The following OR2M2 variants were observed in gnomAD, a reference collection of about 807,000 sequenced individuals.
OR2M2 encodes olfactory receptor 2M2.
For missense variants in OR2M2, 467 were observed against 429.9 expected (o/e 1.09, Z -0.76); for synonymous variants, 168 against 151.7 (o/e 1.11, Z -0.79).
chr1:248,175,924 T>C lies in OR2M2; in HGVS notation c.-19+1053T>C, dbSNP rs558698012. On this transcript the variant is annotated intron_variant, in intron 1 of 1. Transcript: ENST00000641836. ...CTACTTTGTTCATTCAGCATTCTAT[T>C]GGTGAGACTCACCAATGCTACTTCT... Among the ~76,000 whole-genome samples the C allele has an allele frequency of 4.5e-4, 69 of 152,248 alleles. No individual in the cohort carries two copies. The Middle Eastern group carries it at 0.014, about 30-fold the overall frequency.
At chr1:248,177,669 T>A (rs1346882302) in intron 1 of OR2M2, among the ~76,000 whole-genome samples, 2 of 152,080 alleles carry the variant, frequency 1.3e-5, no homozygotes, top group Non-Finnish European at 2.9e-5. Context: ...TTTTTTCCCC[T>A]GATTGACCTT....
rs143926960 is a variant in OR2M2, at chr1:248,180,217, G to A, written c.232G>A (p.Val78Ile). Reference protein sequence around the residue: ...LMDLMLICTTVPKMAFNYLSG... With the variant: ...LMDLMLICTTIPKMAFNYLSG... ...GGACCTCATGCTCATCTGCACCACC[G>A]TACCCAAGATGGCCTTCAACTACCT... Residue 78 changes from valine (V) to isoleucine (I), a missense_variant, in exon 2 of 2, where the codon GTA (valine) becomes ATA (isoleucine). Coordinates refer to ENST00000641836, the MANE Select transcript of OR2M2 (RefSeq NM_001004688.2). The A allele has an allele frequency of 3.2e-5, 51 of 1,613,890 alleles. No homozygotes were observed. Among genetic ancestry groups the A allele is most frequent in the Admixed American group, 6.7e-5 (4 of 59,982 alleles).
At chr1:248,178,371 A>G (rs1406423392) in intron 1 of OR2M2, among the ~76,000 whole-genome samples, 1 of 152,168 alleles carries the variant, frequency 6.6e-6, no homozygotes, top group Admixed American at 6.6e-5. Context: ...TGCCCATAAT[A>G]ATCTCCCTTC....
chr1:248,180,615 T>C lies in OR2M2; in HGVS notation c.630T>C (p.Pro210=), dbSNP rs1453640415. 5 of 1,612,850 alleles carry C rather than the reference T, an allele frequency of 3.1e-6. No homozygotes were observed. The highest frequency in any genetic ancestry group is 1.1e-5 in the South Asian group (1 of 91,024). ...FICCIVMLVF[P]VAIIIASYAR... is the part of the protein sequence containing the mutation. ...GCTGTATAGTAATGCTTGTTTTCCC[T>C]GTTGCAATCATCATTGCTTCCTATG... Residue 210 remains proline, a synonymous_variant, in exon 2 of 2, where the codon CCT becomes CCC. Coordinates refer to ENST00000641836, the MANE Select transcript of OR2M2 (RefSeq NM_001004688.2).
Position 248,179,305 on chromosome 1 carries a change from G to A in OR2M2, c.-18-663G>A, listed in dbSNP as rs141247506. Among the ~76,000 whole-genome samples, 907 of 152,200 alleles carry A rather than the reference G, an allele frequency of 6.0e-3. 3 individuals carry two copies. The highest frequency in any genetic ancestry group is 8.8e-3 in the Non-Finnish European group (596 of 68,002). ...CACATTAACTAATTACCGTCTTTACGTATTTCCAAACAAGCTCACACGCTG... is the reference window on the plus strand; with the variant it reads ...CACATTAACTAATTACCGTCTTTACATATTTCCAAACAAGCTCACACGCTG... On this transcript the variant is annotated intron_variant, in intron 1 of 1. Transcript: ENST00000641836.
chr1:248,176,192 C>T (rs573730117), intron 1 of OR2M2, among the ~76,000 whole-genome samples: 43 of 152,114 alleles, frequency 2.8e-4, no homozygotes, highest in Non-Finnish European at 5.2e-4. Flanking sequence ...TTTGTTCACT[C>T]GATGTCTCTT....
At chr1:248,175,740 C>T (rs1665850673) in intron 1 of OR2M2, among the ~76,000 whole-genome samples, 1 of 152,042 alleles carries the variant, frequency 6.6e-6, no homozygotes, top group Non-Finnish European at 1.5e-5. Flanking sequence ...AAAATATTTA[C>T]CAGTGCTTTT....
Position 248,180,975 on chromosome 1 carries a change from A to T in OR2M2, c.990A>T (p.Ile330=), listed in dbSNP as rs752107335. 1.2e-6 allele frequency: 2 copies of T among 1,613,356 alleles called. No individual in the cohort carries two copies. Among genetic ancestry groups the T allele is most frequent in the Admixed American group, 3.3e-5 (2 of 59,964 alleles). The change falls in exon 2 of 2, where the codon ATA becomes ATT. Residue 330 remains isoleucine, a synonymous_variant. Transcript: ENST00000641836. The stretch of plus-strand genomic sequence containing the variant: ...TGTTTGCTAAATTCTTCTTTCTAAT[A>T]TCCATCTTTTTCTATGATGTCAAAA... The part of the protein sequence containing the change: ...VLLFAKFFFL[I]SIFFYDVKIL...
In OR2M2 at chr1:248,181,056, A is replaced by T. The variant is rs1665929078; in HGVS notation, c.*27A>T. On this transcript the variant is annotated 3_prime_UTR_variant, in exon 2 of 2. Transcript: ENST00000641836. Reference sequence around the variant, plus strand: ...ATATTTATGGGCACCTATACAATTTATTTCAGGTAAACCATTTTATATATT... The same window carrying T: ...ATATTTATGGGCACCTATACAATTTTTTTCAGGTAAACCATTTTATATATT... 4.2e-6 allele frequency: 6 copies of T among 1,426,454 alleles called. No homozygotes were observed. The highest frequency in any genetic ancestry group is 5.8e-6 in the Non-Finnish European group (6 of 1,041,244). The allele number at this position is 1,426,454 out of a possible 1,614,324, so 88.4% of individuals were successfully genotyped here. A position where few individuals can be genotyped will look rare whatever the true frequency, so the allele number is the denominator to read the frequency against.
In OR2M2 at chr1:248,179,496, A is replaced by G. The variant is rs1665899136; in HGVS notation, c.-18-472A>G. ...ATCAAATATTCTAAACTGTAAAGTA[A>G]TAAGCAAACATACAGATTTTGTTAA... is the stretch of plus-strand genomic sequence containing the variant. On this transcript the variant is annotated intron_variant, in intron 1 of 1. Coordinates refer to ENST00000641836, the MANE Select transcript of OR2M2 (RefSeq NM_001004688.2). Among the ~76,000 whole-genome samples the G allele has an allele frequency of 2.6e-5, 4 of 151,506 alleles. No homozygotes were observed. The South Asian group carries it at 8.3e-4, about 31-fold the overall frequency.
At chr1:248,178,115 A>T (rs866226208) in intron 1 of OR2M2, 1 of 152,258 alleles carries the variant, frequency 6.6e-6, no homozygotes, top group African/African-American at 2.4e-5. Flanking sequence ...ATAAAACTCA[A>T]AGAGGTATAC....
chr1:248,180,426 C>G lies in OR2M2; in HGVS notation c.441C>G (p.Phe147Leu). The change falls in exon 2 of 2, where the codon TTC (phenylalanine) becomes TTG (leucine). Residue 147 changes from phenylalanine to leucine, a missense_variant. Physicochemically the swap from Phe to Leu is conservative, Grantham distance 22. Transcript: ENST00000641836. ...AAATTTGTGGACTTATGGCTACCTTCTCCTGGATCCTGGGCTCTACAGATG... is the reference window on the plus strand; with the variant it reads ...AAATTTGTGGACTTATGGCTACCTTGTCCTGGATCCTGGGCTCTACAGATG... ...NPKICGLMATFSWILGSTDGI... is the reference protein window; with the variant it reads ...NPKICGLMATLSWILGSTDGI... The G allele has an allele frequency of 6.2e-7, 1 of 1,613,982 alleles. No individual in the cohort carries two copies.
intron 1 of OR2M2, among the ~76,000 whole-genome samples, chr1:248,178,876 T>G (rs986855209): frequency 1.3e-5 from 2 of 152,234 alleles, no homozygotes; most frequent in Non-Finnish European, 2.9e-5. Context: ...AGGGTGGATC[T>G]CATGCTTTTC....
chr1:248,175,164 CAGAAG>C (rs1007904590), intron 1 of OR2M2, among the ~76,000 whole-genome samples: 3 of 152,070 alleles, frequency 2.0e-5, no homozygotes, highest in African/African-American at 7.2e-5. Context: ...GAATAGGTGT[CAGAAG>C]AGAAAAGAGC....
At chr1:248,177,032 C>T (rs192632556) in intron 1 of OR2M2, among the ~76,000 whole-genome samples, 1 of 152,112 alleles carries the variant, frequency 6.6e-6, no homozygotes, top group East Asian at 1.9e-4. Context: ...TATAGCTTGA[C>T]ACATTCTCTG....
In OR2M2 at chr1:248,180,083, G is replaced by A. The variant is rs751350435; in HGVS notation, c.98G>A (p.Gly33Asp). The A allele has an allele frequency of 3.7e-6, 6 of 1,613,964 alleles. No individual in the cohort carries two copies. Among genetic ancestry groups the A allele is most frequent in the Non-Finnish European group, 5.1e-6 (6 of 1,179,952 alleles). ...PHTFLFFLVL[G>D]IFLVAFMGNS... is the part of the protein sequence containing the mutation. ...ACGTTCCTCTTCTTTCTGGTCCTGG[G>A]CATCTTTTTAGTGGCCTTCATGGGA... is the stretch of plus-strand genomic sequence containing the variant. Residue 33 changes from glycine to aspartate, a missense_variant, in exon 2 of 2, where the codon GGC becomes GAC. Coordinates refer to ENST00000641836, the MANE Select transcript of OR2M2 (RefSeq NM_001004688.2).
At chr1:248,178,033 G>A (rs977002357) in intron 1 of OR2M2, 4 of 152,052 alleles carry the variant, frequency 2.6e-5, no homozygotes, top group Non-Finnish European at 4.4e-5. Context: ...GTTCTTGAAT[G>A]AAAATTTAAA....
In OR2M2 at chr1:248,178,793, G is replaced by A. The variant is rs553127313; in HGVS notation, c.-18-1175G>A. ...CTCACTATGACCTGTATGAACAGGG[G>A]CTTTCTTTGATCTAATTACTGTGGT... On this transcript the variant is annotated intron_variant, in intron 1 of 1. Transcript: ENST00000641836. Among the ~76,000 whole-genome samples, 4 of 152,288 alleles carry A rather than the reference G, an allele frequency of 2.6e-5. No homozygotes were observed. In the East Asian group the frequency reaches 5.8e-4, roughly 22 times the overall value.
chr1:248,180,790 A>T lies in OR2M2; in HGVS notation c.805A>T (p.Thr269Ser), dbSNP rs751586549. The change falls in exon 2 of 2, where the codon ACG becomes TCG. Residue 269 changes from threonine to serine, a missense_variant. Thr to Ser is a moderately conservative substitution (Grantham distance 58). Coordinates refer to ENST00000641836, the MANE Select transcript of OR2M2 (RefSeq NM_001004688.2). ...ACGGCCCACATCTGATCACTCCCCA[A>T]CGCAGGACAAGATGGTGTCTGTATT... ...YIRPTSDHSP[T>S]QDKMVSVFYT... 2.5e-6 allele frequency: 4 copies of T among 1,613,718 alleles called. No individual in the cohort carries two copies. The Admixed American group carries it at 5.0e-5, about 20-fold the overall frequency.
Sources: allele counts gnomAD v4.1 joint callset (sites outside exome capture counted in the v4.1 genomes callset), GRCh38; gene constraint gnomAD v4.1.1; transcripts MANE v1.5; gene names NCBI Gene and HGNC (gene_info 2026-07-23, HGNC 2026-07-21).